SGCZ: variants seen among roughly 807,000 people sequenced by gnomAD.
The protein encoded by SGCZ is sarcoglycan zeta.
In SGCZ, 40 loss-of-function variants were observed where a neutral mutation model predicts 41.3. The ratio of observed to expected loss-of-function variants is 0.97; its 90% CI spans 0.75 to 1.26. The LOEUF is 1.26. SGCZ is among the 50% of genes most tolerant of loss of function. SGCZ has a pLI of 0.00. For synonymous variants in SGCZ, 206 were observed against 137.5 expected (o/e 1.50, Z -3.49); for missense variants, 552 against 369.8 (o/e 1.49, Z -4.04).
intron 2 of SGCZ, among the ~76,000 whole-genome samples, chr8:14,452,032 T>C (rs1432298305): frequency 6.6e-6 from 1 of 152,246 alleles, no homozygotes; most frequent in Non-Finnish European, 1.5e-5. Flanking sequence ...TGCACATGGA[T>C]ACTTATAACA....
intron 3 of SGCZ, among the ~76,000 whole-genome samples, chr8:14,318,034 G>A (rs1407326563): frequency 6.6e-6 from 1 of 151,760 alleles, no homozygotes; most frequent in Non-Finnish European, 1.5e-5. Context: ...CAGTAGAACA[G>A]CATAGAGTTA....
At chr8:14,624,501 G>A (rs1023064427) in intron 1 of SGCZ, among the ~76,000 whole-genome samples, 17 of 146,980 alleles carry the variant, frequency 1.2e-4, no homozygotes, top group South Asian at 2.1e-4. Flanking sequence ...ATGTCCATAA[G>A]AGCAAAGGAA....
chr8:14,368,719 G>A (rs1585414342), intron 2 of SGCZ, among the ~76,000 whole-genome samples: 2 of 152,108 alleles, frequency 1.3e-5, no homozygotes, highest in African/African-American at 2.4e-5. Context: ...TAAGTCTGCA[G>A]ATCCTGGTTT....
At chr8:14,757,806 A>G (rs1332087765) in intron 1 of SGCZ, among the ~76,000 whole-genome samples, 1 of 152,224 alleles carries the variant, frequency 6.6e-6, no homozygotes, top group African/African-American at 2.4e-5. Flanking sequence ...CATTTTACGT[A>G]AATATTTGCC....
chr8:14,683,789 T>C (rs1309260382), intron 1 of SGCZ, among the ~76,000 whole-genome samples: 2 of 152,112 alleles, frequency 1.3e-5, no homozygotes, highest in African/African-American at 4.8e-5. Context: ...AACCATAGCA[T>C]TTTAGGGCTC....
At chr8:14,987,735 C>G (rs1002187142) in intron 1 of SGCZ, among the ~76,000 whole-genome samples, 1 of 151,950 alleles carries the variant, frequency 6.6e-6, no homozygotes, top group African/African-American at 2.4e-5. Context: ...TAAATCTAAA[C>G]CATTTACACT....
rs1563162274 is a variant in SGCZ at position 14,625,594 on chromosome 8, T to TTGTTG, written c.40-70669_40-70668insCAACA. On this transcript the variant is annotated intron_variant, in intron 1 of 7. Transcript: ENST00000382080. The stretch of plus-strand genomic sequence containing the variant: ...GTAGTGTTTTGTTGTTGTTGTTGTT[T>TTGTTG]TTGTTTTGTTTATTTTGTAGAAGAC... 7.7e-3 allele frequency among the ~76,000 whole-genome samples: 1,167 copies of TTGTTG among 151,872 alleles called. 14 individuals carry two copies. Among genetic ancestry groups the TTGTTG allele is most frequent in the African/African-American group, 0.027 (1,110 of 41,376 alleles).
intron 3 of SGCZ, among the ~76,000 whole-genome samples, chr8:14,262,007 C>T (rs930916259): frequency 6.6e-6 from 1 of 152,114 alleles, no homozygotes; most frequent in African/African-American, 2.4e-5. Context: ...CTACTCTAAG[C>T]AATTTAAGCA....
chr8:14,209,073 C>T (rs1805710869), intron 4 of SGCZ, among the ~76,000 whole-genome samples: 1 of 152,178 alleles, frequency 6.6e-6, no homozygotes, highest in South Asian at 2.1e-4. Context: ...TCCATGTTCC[C>T]ATCTCTTTGC....
chr8:14,977,423 T>C (rs1585430515), intron 1 of SGCZ, among the ~76,000 whole-genome samples: 2 of 152,338 alleles, frequency 1.3e-5, no homozygotes, highest in African/African-American at 4.8e-5. Context: ...AACATTACTT[T>C]ATCACCAATT....
intron 2 of SGCZ, among the ~76,000 whole-genome samples, chr8:14,369,768 T>TA (rs1198225431): frequency 3.0e-4 from 46 of 151,956 alleles, no homozygotes; most frequent in Non-Finnish European, 6.2e-4. Flanking sequence ...TAAATACAAT[T>TA]TTTTCCTCTC....
chr8:15,209,475 TAAAAAAAAAAA>T (rs57088562), intron 1 of SGCZ, among the ~76,000 whole-genome samples: 4 of 142,112 alleles, frequency 2.8e-5, no homozygotes, highest in Non-Finnish European at 6.1e-5. Context: ...AGCATAATAG[TAAAAAAAAAAA>T]AAAAAAAAAA....
intron 1 of SGCZ, among the ~76,000 whole-genome samples, chr8:14,978,470 C>CAAAAAAAAAAAAAAAAAAAAAAAAAAAA (rs59543494): frequency 1.6e-5 from 1 of 62,824 alleles, no homozygotes; most frequent in African/African-American, 8.3e-5. Flanking sequence ...GACACCGTCA[C>CAAAAAAAAAAAAAAAAAAAAAAAAAAAA]AAAAAAAAAA....
chr8:14,535,924 T>C (rs767437807), intron 2 of SGCZ, among the ~76,000 whole-genome samples: 35 of 151,854 alleles, frequency 2.3e-4, no homozygotes, highest in Non-Finnish European at 4.4e-4. Flanking sequence ...ATGGGAACTC[T>C]ATACTATTTT....
intron 1 of SGCZ, among the ~76,000 whole-genome samples, chr8:15,123,089 G>T (rs528667797): frequency 6.6e-6 from 1 of 152,254 alleles, no homozygotes; most frequent in Non-Finnish European, 1.5e-5. Context: ...ATCCCATTTT[G>T]TGAAGCTTTA....
At chr8:14,680,349 G>C (rs548623127) in intron 1 of SGCZ, among the ~76,000 whole-genome samples, 2 of 152,012 alleles carry the variant, frequency 1.3e-5, no homozygotes, top group Non-Finnish European at 2.9e-5. Flanking sequence ...TAAACTTTCC[G>C]TATTAGTGAT....
At chr8:14,813,351 C>A (rs1220952623) in intron 1 of SGCZ, among the ~76,000 whole-genome samples, 2 of 152,106 alleles carry the variant, frequency 1.3e-5, no homozygotes, top group East Asian at 3.9e-4. Context: ...TGTTAATTGA[C>A]CCACTTAGAG....
At chr8:14,754,153 G>A (rs1373721536) in intron 1 of SGCZ, among the ~76,000 whole-genome samples, 1 of 151,978 alleles carries the variant, frequency 6.6e-6, no homozygotes, top group East Asian at 1.9e-4. Context: ...ATATTTAGGG[G>A]ACCTCAAAAA....
chr8:15,066,982 A>C (rs1459137711), intron 1 of SGCZ, among the ~76,000 whole-genome samples: 4 of 152,364 alleles, frequency 2.6e-5, no homozygotes, highest in Middle Eastern at 3.4e-3. Flanking sequence ...AGGAATAGTT[A>C]ATATCTAGGG....
Sources: gnomAD v4.1 joint callset for allele counts (sites outside exome capture counted in the v4.1 genomes callset) on GRCh38, gnomAD v4.1.1 for gene constraint, MANE v1.5 for transcripts, NCBI Gene and HGNC (gene_info 2026-07-23, HGNC 2026-07-21) for gene names.